The following UXS1 variants were observed in gnomAD, a reference collection of about 807,000 sequenced individuals.
The protein encoded by UXS1 is UDP-glucuronate decarboxylase 1.
Under a neutral mutation model 62.6 loss-of-function variants are expected in UXS1, and 33 were observed. The ratio of observed to expected loss-of-function variants is 0.53; its 90% CI spans 0.40 to 0.70. UXS1 has a LOEUF of 0.70. Ranked by LOEUF, UXS1 falls within the 30% of genes least tolerant of loss-of-function variation. The probability of loss-of-function intolerance (pLI) is 0.00; values close to 1 mark genes in which losing one functional copy is unlikely to be tolerated. For missense variants in UXS1, 434 were observed against 556.3 expected, an observed-to-expected ratio of 0.78 and a Z score of 2.21; for synonymous variants, 213 against 206.8, an observed-to-expected ratio of 1.03 and a Z score of -0.26.
chr2:106,109,877 C>T (rs1678437356), intron 10 of UXS1, among the ~76,000 whole-genome samples: 1 of 152,172 alleles, frequency 6.6e-6, no homozygotes, highest in Non-Finnish European at 1.5e-5. Context: ...TTTCTGGCCA[C>T]CCTCAAAGAG....
chr2:106,097,605 C>T (rs989525503), intron 13 of UXS1: 4 of 231,816 alleles, frequency 1.7e-5, no homozygotes, highest in Admixed American at 4.8e-5. Context: ...TCAGCACGCA[C>T]GGATCACCTG....
intron 13 of UXS1, 63 bp downstream of exon 13, chr2:106,098,653 G>A: frequency 2.2e-6 from 3 of 1,357,642 alleles, no homozygotes; most frequent in South Asian, 1.2e-5. Context: ...TCTAGTCAAG[G>A]TGTTATTAAC....
At chr2:106,106,555 A>G (rs575345429) in intron 10 of UXS1, among the ~76,000 whole-genome samples, 10 of 152,306 alleles carry the variant, frequency 6.6e-5, no homozygotes, top group African/African-American at 2.2e-4. Context: ...GGCTGGGGAT[A>G]CTGAGGAATG....
At chr2:106,149,729 C>A (rs1251424430) in intron 5 of UXS1, among the ~76,000 whole-genome samples, 1 of 152,172 alleles carries the variant, frequency 6.6e-6, no homozygotes, top group Admixed American at 6.5e-5. Context: ...GATGCTTATA[C>A]AAACACCTGA....
At chr2:106,102,791 G>A (rs1362743539) in intron 11 of UXS1, 2 of 152,152 alleles carry the variant, frequency 1.3e-5, no homozygotes, top group Non-Finnish European at 2.9e-5. Context: ...CAAAACTTTG[G>A]TCAGTTAATG....
chr2:106,156,651 C>A (rs1192273524), intron 5 of UXS1, among the ~76,000 whole-genome samples: 1 of 152,170 alleles, frequency 6.6e-6, no homozygotes, highest in Non-Finnish European at 1.5e-5. Flanking sequence ...CCACACACAT[C>A]CGCCTGTATA....
At chr2:106,096,612 C>A in intron 14 of UXS1, 106 bp downstream of exon 14, 1 of 994,286 alleles carries the variant, frequency 1.0e-6, no homozygotes, top group South Asian at 2.0e-5. Flanking sequence ...CCGAGCCCAC[C>A]TTGCTCCTCC....
rs536922589 is a variant in UXS1, at chr2:106,146,187, C to T, written c.292-817G>A. ...ATTTCATCTGGGGGAAGGTTATAGG[C>T]GGTGGGAGTGAAAAGAATAGGCTCA... On this transcript the variant is annotated intron_variant, in intron 5 of 14. Transcript: ENST00000283148. Among the ~76,000 whole-genome samples, 6 of 152,274 alleles carry T rather than the reference C, an allele frequency of 3.9e-5. No homozygotes were observed. The East Asian group carries it at 5.8e-4, about 15-fold the overall frequency.
intron 6 of UXS1, chr2:106,138,431 A>G: frequency 1.0e-6 from 1 of 985,410 alleles, no homozygotes; most frequent in Non-Finnish European, 1.2e-6. Context: ...CTCTAGAGGG[A>G]GGGGAGGCCC....
chr2:106,182,082 T>C (rs1684280619), intron 1 of UXS1, among the ~76,000 whole-genome samples: 2 of 152,194 alleles, frequency 1.3e-5, no homozygotes, highest in African/African-American at 4.8e-5. Flanking sequence ...AAAGAGAAAT[T>C]TGATGGAAAT....
intron 1 of UXS1, among the ~76,000 whole-genome samples, chr2:106,191,617 C>G (rs1337292366): frequency 6.6e-6 from 1 of 152,244 alleles, no homozygotes; most frequent in East Asian, 1.9e-4. Flanking sequence ...TCTGCCTGGG[C>G]AGCCTCATGG....
chr2:106,183,860 T>G (rs577350669), intron 1 of UXS1: 1 of 152,326 alleles, frequency 6.6e-6, no homozygotes, highest in African/African-American at 2.4e-5. Flanking sequence ...GTTAGAAAGC[T>G]TGCACCACGT....
chr2:106,113,047 AG>A (rs1678749970), intron 9 of UXS1, among the ~76,000 whole-genome samples: 1 of 152,234 alleles, frequency 6.6e-6, no homozygotes, highest in Non-Finnish European at 1.5e-5. Context: ...CAGTACAAGG[AG>A]GAAAAACGTG....
At chr2:106,183,234 CT>C (rs200519691) in intron 1 of UXS1, among the ~76,000 whole-genome samples, 505 of 49,150 alleles carry the variant, frequency 0.01, 4 homozygotes, top group African/African-American at 0.031. Context: ...CTGCTCAAGT[CT>C]TTTTTAAAAA....
At chr2:106,123,560 C>T (rs1009529785) in intron 8 of UXS1, among the ~76,000 whole-genome samples, 10 of 152,144 alleles carry the variant, frequency 6.6e-5, no homozygotes, top group African/African-American at 2.4e-4. Flanking sequence ...GGACCCGTGA[C>T]AAGTCAACGT....
intron 7 of UXS1, among the ~76,000 whole-genome samples, chr2:106,128,135 C>A (rs779931792): frequency 8.6e-5 from 13 of 152,028 alleles, no homozygotes; most frequent in Non-Finnish European, 1.8e-4. Context: ...CCTCTATGGT[C>A]TAGTTCTGGT....
At chr2:106,188,363 T>C (rs767272225) in intron 1 of UXS1, among the ~76,000 whole-genome samples, 1 of 152,156 alleles carries the variant, frequency 6.6e-6, no homozygotes, top group Non-Finnish European at 1.5e-5. Flanking sequence ...CCATTTATAC[T>C]TAGGGTCAAG....
intron 8 of UXS1, among the ~76,000 whole-genome samples, chr2:106,125,194 C>T (rs1005207402): frequency 1.3e-5 from 2 of 152,188 alleles, no homozygotes; most frequent in African/African-American, 4.8e-5. Flanking sequence ...AGGCAGTCAG[C>T]GCATGTCTCT....
At chr2:106,101,213 C>T in intron 11 of UXS1, 95 bp from the exon 12 acceptor site, 1 of 1,322,574 alleles carries the variant, frequency 7.6e-7, no homozygotes, top group Non-Finnish European at 1.0e-6. Context: ...AAATTACCAC[C>T]CCCAGGAGAA....
Sources: gnomAD v4.1 joint callset for allele counts (sites outside exome capture counted in the v4.1 genomes callset) on GRCh38, gnomAD v4.1.1 for gene constraint, MANE v1.5 for transcripts, NCBI Gene and HGNC (gene_info 2026-07-23, HGNC 2026-07-21) for gene names.